Variants in MPPED2 observed in about 807,000 individuals in gnomAD.
The protein encoded by MPPED2 is metallophosphoesterase MPPED2.
MPPED2 carries 5 observed loss-of-function variants against 33.0 expected under a neutral mutation model. The ratio of observed to expected loss-of-function variants is 0.15; its 90% CI spans 0.08 to 0.32. The LOEUF is 0.32. Among genes scored for constraint, MPPED2 ranks in the 10% least tolerant of loss-of-function variants. The pLI, the probability that MPPED2 is intolerant of heterozygous loss-of-function variation, is 1.00. For synonymous variants in MPPED2, 136 were observed against 141.9 expected (o/e 0.96, Z 0.29); for missense variants, 275 against 372.1 (o/e 0.74, Z 2.15).
Position 30,457,040 on chromosome 11 carries a change from G to A in MPPED2, c.536+38256C>T, listed in dbSNP as rs1032974005. ...GAGAGAAAATTCCATTCCTGGTGGG[G>A]GTCAATCTTCTTCTCACTCTTTCTT... is the stretch of plus-strand genomic sequence containing the variant. On this transcript the variant is annotated intron_variant, in intron 4 of 6. Coordinates refer to ENST00000358117, the MANE Select transcript of MPPED2 (RefSeq NM_001584.3). 3.9e-5 allele frequency among the ~76,000 whole-genome samples: 6 copies of A among 152,188 alleles called. No homozygotes were observed. In the East Asian group the frequency reaches 5.8e-4, roughly 15 times the overall value.
rs1419783166 is a variant in MPPED2 at position 30,411,334 on chromosome 11, A to G, written c.*134T>C. ...AAATAAAATAAGAAGCACAACCTCTAGCATCATTTGTGTTCCAACAATTTA... is the reference window on the plus strand; with the variant it reads ...AAATAAAATAAGAAGCACAACCTCTGGCATCATTTGTGTTCCAACAATTTA... On this transcript the variant is annotated 3_prime_UTR_variant, in exon 7 of 7. Coordinates refer to ENST00000358117, the MANE Select transcript of MPPED2 (RefSeq NM_001584.3). 7.3e-7 allele frequency: 1 copy of G among 1,361,140 alleles called. No homozygotes were observed. Among genetic ancestry groups the G allele is most frequent in the South Asian group, 2.3e-5 (1 of 44,056 alleles). 84.3% of individuals were successfully genotyped at this position (1,361,140 alleles called of 1,614,324 possible).
chr11:30,495,554 G>A (rs368638004), intron 3 of MPPED2, 33 bp from the exon 4 acceptor site: 29 of 1,509,948 alleles, frequency 1.9e-5, no homozygotes, highest in Non-Finnish European at 2.6e-5. Context: ...CAATTAGCAC[G>A]TTCATTTCCC....
chr11:30,506,028 A>T (rs7949930), intron 3 of MPPED2, among the ~76,000 whole-genome samples: 8,250 of 151,972 alleles, frequency 0.054, 732 homozygotes, highest in African/African-American at 0.19. Flanking sequence ...GATAATTATT[A>T]TTGTTATTAT....
chr11:30,526,380 G>C (rs542455111), intron 3 of MPPED2, among the ~76,000 whole-genome samples: 4 of 152,192 alleles, frequency 2.6e-5, no homozygotes, highest in African/African-American at 9.6e-5. Flanking sequence ...TCTTGAACTA[G>C]AAAGAGAAGC....
At chr11:30,438,107 A>T (rs886331081) in intron 4 of MPPED2, among the ~76,000 whole-genome samples, 1 of 152,214 alleles carries the variant, frequency 6.6e-6, no homozygotes, top group Non-Finnish European at 1.5e-5. Flanking sequence ...CTGACACACC[A>T]TAAGCGCTAG....
At chr11:30,430,171 G>A (rs574629289) in intron 4 of MPPED2, among the ~76,000 whole-genome samples, 1 of 152,272 alleles carries the variant, frequency 6.6e-6, no homozygotes, top group South Asian at 2.1e-4. Context: ...GGCAAATTAA[G>A]ATTGGGCTTT....
chr11:30,463,412 A>G (rs1950584247), intron 4 of MPPED2, among the ~76,000 whole-genome samples: 1 of 152,202 alleles, frequency 6.6e-6, no homozygotes, highest in Admixed American at 6.5e-5. Context: ...GCTGCACTTC[A>G]GGCCCAGCAA....
chr11:30,436,668 T>G (rs1046983788), intron 4 of MPPED2, among the ~76,000 whole-genome samples: 1 of 152,268 alleles, frequency 6.6e-6, no homozygotes, highest in East Asian at 1.9e-4. Context: ...TTTTCTCTCC[T>G]GCTTTGATGT....
chr11:30,398,522 A>G (rs1257770993), intron 6 of MPPED2, among the ~76,000 whole-genome samples: 1 of 152,172 alleles, frequency 6.6e-6, no homozygotes, highest in South Asian at 2.1e-4. Context: ...TAAGAATCAG[A>G]TAGAAGGTCC....
intron 2 of MPPED2, among the ~76,000 whole-genome samples, chr11:30,542,867 A>G (rs1312645216): frequency 2.0e-5 from 3 of 152,220 alleles, no homozygotes; most frequent in Admixed American, 1.3e-4. Context: ...TTTGCAAGCT[A>G]AAATATACCT....
rs139011398 is a variant in MPPED2 at position 30,497,043 on chromosome 11, C to A, written c.311-1522G>T. Among the ~76,000 whole-genome samples the A allele has an allele frequency of 1.2e-4, 18 of 152,254 alleles. No homozygotes were observed. In the East Asian group the frequency reaches 3.5e-3, roughly 29 times the overall value. On this transcript the variant is annotated intron_variant, in intron 3 of 6. Coordinates refer to ENST00000358117, the MANE Select transcript of MPPED2 (RefSeq NM_001584.3). ...AACCAGAAACGCTGAGGCCAAGCAG[C>A]AATGGATATCTTTGACTACTAGCCC...
exon 7 of MPPED2, chr11:30,388,882 C>T (rs1342799698): frequency 1.3e-6 from 2 of 1,557,152 alleles, no homozygotes; most frequent in African/African-American, 2.7e-5. Context: ...TGCCAGTTTC[C>T]TCTAGACTAG....
At chr11:30,457,382 CAAAA>C (rs146074145) in intron 4 of MPPED2, among the ~76,000 whole-genome samples, 1 of 129,528 alleles carries the variant, frequency 7.7e-6, no homozygotes. Context: ...CCTAATTTTC[CAAAA>C]AAAAAAAAAA....
chr11:30,548,395 T>TTTTTTGTACAGA (rs1430153271), intron 2 of MPPED2, among the ~76,000 whole-genome samples: 1 of 152,032 alleles, frequency 6.6e-6, no homozygotes, highest in East Asian at 1.9e-4. Context: ...TATTTTCTGA[T>TTTTTTGTACAGA]TTTTTGTACA....
At chr11:30,452,255 G>C (rs986308912) in intron 4 of MPPED2, among the ~76,000 whole-genome samples, 7 of 152,238 alleles carry the variant, frequency 4.6e-5, no homozygotes, top group African/African-American at 1.7e-4. Flanking sequence ...TTTCACCTCA[G>C]TCACCTTGAT....
At chr11:30,442,968 G>C (rs2133907149) in intron 4 of MPPED2, among the ~76,000 whole-genome samples, 1 of 152,192 alleles carries the variant, frequency 6.6e-6, no homozygotes. Flanking sequence ...ACGCCAGCCT[G>C]GTCGACAGCA....
At position 30,490,905 on chromosome 11, in the gene MPPED2, A is replaced by G. The variant is rs61496172; in HGVS notation, c.536+4391T>C. On this transcript the variant is annotated intron_variant, in intron 4 of 6. Transcript: ENST00000358117. The stretch of plus-strand genomic sequence containing the variant: ...GAATTATAGCTATTTTCCTAGTCTG[A>G]TGGCGATTACTTTTGAGAAACCTGT... Among the ~76,000 whole-genome samples, 686 of 152,258 alleles carry G rather than the reference A, an allele frequency of 4.5e-3. 5 individuals are homozygous for G. The highest frequency in any genetic ancestry group is 0.016 in the African/African-American group (645 of 41,546).
chr11:30,414,083 T>C, intron 6 of MPPED2, 145 bp downstream of exon 6: 2 of 619,350 alleles, frequency 3.2e-6, no homozygotes, highest in South Asian at 4.0e-5. Flanking sequence ...AGCTTTATAT[T>C]CAGATGTTTC....
intron 3 of MPPED2, among the ~76,000 whole-genome samples, chr11:30,510,959 A>G (rs1953142910): frequency 6.6e-6 from 1 of 152,160 alleles, no homozygotes; most frequent in African/African-American, 2.4e-5. Context: ...GTGGCATTTC[A>G]CTTTCAACCC....
Sources: allele counts gnomAD v4.1 joint callset (sites outside exome capture counted in the v4.1 genomes callset), GRCh38; gene constraint gnomAD v4.1.1; transcripts MANE v1.5; gene names NCBI Gene and HGNC (gene_info 2026-07-23, HGNC 2026-07-21).